ANKLE2: variants seen among roughly 807,000 people sequenced by gnomAD.
The protein encoded by ANKLE2 is ankyrin repeat and LEM domain-containing protein 2.
A neutral mutation model predicts 84.2 loss-of-function variants in ANKLE2; 55 were observed. The observed-to-expected ratio is 0.65, with a 90% CI of 0.53 to 0.82. The LOEUF (loss-of-function observed/expected upper bound fraction) is 0.82. Ranked by LOEUF, ANKLE2 falls within the 40% of genes least tolerant of loss-of-function variation. The pLI is 0.00. For missense variants in ANKLE2, 1,238 were observed against 1,201.9 expected, an observed-to-expected ratio of 1.03 and a Z score of -0.44; for synonymous variants, 551 against 486.1, an observed-to-expected ratio of 1.13 and a Z score of -1.76.
At chr12:132,728,227 C>T in intron 11 of ANKLE2, 64 bp from the exon 12 acceptor site, 2 of 1,580,066 alleles carry the variant, frequency 1.3e-6, no homozygotes, top group South Asian at 1.1e-5. Flanking sequence ...TCTAAAATAC[C>T]ACTACTTTTT....
rs1027475636 is a variant in ANKLE2 at position 132,761,608 on chromosome 12, T to C, written c.181+10A>G. The C allele has an allele frequency of 1.6e-6, 2 of 1,233,658 alleles. No homozygotes were observed. Among genetic ancestry groups the C allele is most frequent in the Non-Finnish European group, 2.0e-6 (2 of 987,390 alleles). The allele number at this position is 1,233,658 out of a possible 1,614,324, so 76.4% of individuals were successfully genotyped here. A position where few individuals can be genotyped will look rare whatever the true frequency, so the allele number is the denominator to read the frequency against. The stretch of plus-strand genomic sequence containing the variant: ...AGGGTGCGGGGACCCAGCGACCGCC[T>C]GGGCCTTACCTGAGGCGGGGGCGGC... On this transcript the variant is annotated intron_variant, in intron 1 of 12. Transcript: ENST00000357997.
chr12:132,759,521 GTATACT>G (rs66834251), intron 1 of ANKLE2: 37,396 of 139,730 alleles, frequency 0.27, 5,253 homozygotes, highest in Admixed American at 0.39. Flanking sequence ...CTATATATAT[GTATACT>G]ATATGTGCTA....
Position 132,750,716 on chromosome 12 carries a change from A to T in ANKLE2, c.774T>A (p.Pro258=). 6.2e-6 allele frequency: 10 copies of T among 1,614,254 alleles called. No individual in the cohort carries two copies. The highest frequency in any genetic ancestry group is 8.5e-6 in the Non-Finnish European group (10 of 1,180,050). The change falls in exon 3 of 13, where the codon CCT becomes CCA. Residue 258 remains proline (P), a synonymous_variant. Coordinates refer to ENST00000357997, the MANE Select transcript of ANKLE2 (RefSeq NM_015114.3). The part of the protein sequence containing the change: ...KFARGICDYF[P]SPSKTSLPLS... ...GTGGTAAGGACGTTTTGCTTGGAGA[A>T]GGGAAATAATCACAAATTCCTCTAG...
intron 1 of ANKLE2, chr12:132,757,576 A>G (rs1171062294): frequency 1.3e-5 from 2 of 152,270 alleles, no homozygotes; most frequent in East Asian, 3.8e-4. Context: ...TAATCCCAGC[A>G]CTTTGGGAGG....
At chr12:132,736,613 C>G (rs891879833) in intron 8 of ANKLE2, among the ~76,000 whole-genome samples, 1 of 152,218 alleles carries the variant, frequency 6.6e-6, no homozygotes, top group Non-Finnish European at 1.5e-5. Context: ...CAGGGCGACA[C>G]GCGCACAGGA....
chr12:132,740,855 G>A (rs569878245), intron 7 of ANKLE2, among the ~76,000 whole-genome samples: 10 of 152,026 alleles, frequency 6.6e-5, no homozygotes, highest in African/African-American at 1.9e-4. Context: ...GGAACGTCCC[G>A]GAGGCGAGTG....
At chr12:132,733,088 G>A (rs188197863) in intron 10 of ANKLE2, among the ~76,000 whole-genome samples, 3 of 138,170 alleles carry the variant, frequency 2.2e-5, no homozygotes, top group Non-Finnish European at 4.6e-5. Context: ...GATACGCACC[G>A]TGTGAAGCTC....
At position 132,730,007 on chromosome 12, in the gene ANKLE2, G is replaced by C. The variant is rs201453405; in HGVS notation, c.2155C>G (p.Pro719Ala). The C allele has an allele frequency of 4.5e-5, 73 of 1,613,168 alleles. No individual in the cohort carries two copies. Among genetic ancestry groups the C allele is most frequent in the Non-Finnish European group, 3.4e-5 (40 of 1,179,926 alleles). The change falls in exon 11 of 13, where the codon CCC becomes GCC. Residue 719 changes from proline (P) to alanine (A), a missense_variant. Pro to Ala is a conservative substitution (Grantham distance 27). Transcript: ENST00000357997. ...GGCAGATGGGCTTCCTCCCCACGGGGGGCCTTTGGTCTCTTGCCCGCCAGG... is the reference window on the plus strand; with the variant it reads ...GGCAGATGGGCTTCCTCCCCACGGGCGGCCTTTGGTCTCTTGCCCGCCAGG... ...RTLAGKRPKAPRGEEAHLPPV... is the reference protein window; with the variant it reads ...RTLAGKRPKAARGEEAHLPPV...
chr12:132,751,621 C>T (rs887595089), intron 2 of ANKLE2, among the ~76,000 whole-genome samples: 28 of 151,792 alleles, frequency 1.8e-4, no homozygotes, highest in Non-Finnish European at 5.9e-5. Flanking sequence ...TGGCTCACTG[C>T]GACCATCATC....
intron 1 of ANKLE2, chr12:132,760,763 C>G (rs1459692123): frequency 6.6e-6 from 1 of 152,216 alleles, no homozygotes; most frequent in African/African-American, 2.4e-5. Flanking sequence ...TGGGTTTTTA[C>G]AGGAACTTCA....
At position 132,741,414 on chromosome 12, in the gene ANKLE2, C is replaced by T; in HGVS notation, c.1420+5G>A. ...CACGATCCAGGCACCAACTCCCCAT[C>T]TTACCCTTTAAATACTCTCTGATCC... is the stretch of plus-strand genomic sequence containing the variant. On this transcript the variant is annotated splice_donor_5th_base_variant and intron_variant, in intron 7 of 12. Coordinates refer to ENST00000357997, the MANE Select transcript of ANKLE2 (RefSeq NM_015114.3). 3 of 1,613,994 alleles carry T rather than the reference C, an allele frequency of 1.9e-6. No individual in the cohort carries two copies. Among genetic ancestry groups the T allele is most frequent in the Non-Finnish European group, 2.5e-6 (3 of 1,180,006 alleles).
rs2043700658 is a variant in ANKLE2, at chr12:132,726,476, C to T, written c.*766G>A. On this transcript the variant is annotated 3_prime_UTR_variant, in exon 13 of 13. Coordinates refer to ENST00000357997, the MANE Select transcript of ANKLE2 (RefSeq NM_015114.3). ...GACTGTATTACTGCTGCACTGGCTC[C>T]TGAATGAAGCAGGCGGTGAAGGCTC... 1 of 152,212 alleles carries T rather than the reference C, an allele frequency of 6.6e-6. No individual in the cohort carries two copies. The highest frequency in any genetic ancestry group is 6.5e-5 in the Admixed American group (1 of 15,268). The allele number at this position is 152,212 out of a possible 1,614,324, so 9.4% of individuals were successfully genotyped here. A position where few individuals can be genotyped will look rare whatever the true frequency, so the allele number is the denominator to read the frequency against.
At position 132,730,047 on chromosome 12, in the gene ANKLE2, C is replaced by A; in HGVS notation, c.2115G>T (p.Leu705=). 1 of 1,612,902 alleles carries A rather than the reference C, an allele frequency of 6.2e-7. No homozygotes were observed. Among genetic ancestry groups the A allele is most frequent in the Non-Finnish European group, 8.5e-7 (1 of 1,179,734 alleles). Residue 705 remains leucine, a synonymous_variant, in exon 11 of 13, where the codon CTG becomes CTT. Transcript: ENST00000357997. ...HSSRNGLCHP[L]NHSRTLAGKR... Reference sequence around the variant, plus strand: ...TGCCCGCCAGGGTCCTGCTGTGATTCAGAGGATGGCAGAGCCCATTTCTGC... The same window carrying A: ...TGCCCGCCAGGGTCCTGCTGTGATTAAGAGGATGGCAGAGCCCATTTCTGC...
chr12:132,754,444 T>C lies in ANKLE2; in HGVS notation c.640+231A>G, dbSNP rs79053024. ...TTAATATTAATATCTCAGTCCAGCA[T>C]ATCTCATAGAATCCAATTTACCTCA... On this transcript the variant is annotated intron_variant, in intron 2 of 12. Coordinates refer to ENST00000357997, the MANE Select transcript of ANKLE2 (RefSeq NM_015114.3). Among the ~76,000 whole-genome samples the C allele has an allele frequency of 3.4e-3, 521 of 152,310 alleles. 3 individuals are homozygous for C. Among genetic ancestry groups the C allele is most frequent in the African/African-American group, 0.011 (437 of 41,556 alleles).
chr12:132,754,552 T>C, intron 2 of ANKLE2, 123 bp downstream of exon 2: 1 of 873,392 alleles, frequency 1.1e-6, no homozygotes, highest in Non-Finnish European at 1.7e-6. Flanking sequence ...TTAACTGGGG[T>C]GATGAGATGG....
rs77542033 is a variant in ANKLE2 at position 132,734,390 on chromosome 12, G to T, written c.1886C>A (p.Thr629Lys). ...CCACGCCTGCACATGCTTACCAGAC[G>T]TGGTGGCTTTATCTCGGCAGGAGGC... is the stretch of plus-strand genomic sequence containing the variant. ...REASCRDKAT[T>K]SGSNSISVRA... is the part of the protein sequence containing the mutation. Residue 629 changes from threonine to lysine, a missense_variant, in exon 10 of 13, where the codon ACG (threonine) becomes AAG (lysine). Physicochemically the swap from Thr to Lys is moderately conservative, Grantham distance 78 (BLOSUM62 -1). This residue lies in a region of ANKLE2 where 802 missense variants were observed against 774.5 expected (regional missense o/e 1.04). Transcript: ENST00000357997. 6.2e-7 allele frequency: 1 copy of T among 1,614,026 alleles called. No individual in the cohort carries two copies. Among genetic ancestry groups the T allele is most frequent in the Admixed American group, 1.7e-5 (1 of 59,966 alleles).
rs2044631231 is a variant in ANKLE2 at position 132,761,738 on chromosome 12, C to A, written c.61G>T (p.Ala21Ser). 4 of 1,307,270 alleles carry A rather than the reference C, an allele frequency of 3.1e-6. No individual in the cohort carries two copies. Among genetic ancestry groups the A allele is most frequent in the Non-Finnish European group, 3.9e-6 (4 of 1,020,622 alleles). The allele number at this position is 1,307,270 out of a possible 1,614,324, so 81.0% of individuals were successfully genotyped here. A position where few individuals can be genotyped will look rare whatever the true frequency, so the allele number is the denominator to read the frequency against. ...WAALAWELLG[A>S]SVLLIAVRWL... ...CGCACAGCGATCAGCAGCACCGAGG[C>A]GCCCAGCAGCTCCCAGGCCAGCGCC... Residue 21 changes from alanine to serine, a missense_variant, in exon 1 of 13, where the codon GCC (alanine) becomes TCC (serine). Around this residue, in one of 3 missense-constraint regions of ANKLE2, gnomAD observed 422 missense variants for 394.5 expected, o/e 1.07. Transcript: ENST00000357997.
intron 2 of ANKLE2, among the ~76,000 whole-genome samples, chr12:132,754,165 TGG>T (rs1475163681): frequency 6.6e-6 from 1 of 152,028 alleles, no homozygotes; most frequent in Non-Finnish European, 1.5e-5. Flanking sequence ...TCGCTTAAAC[TGG>T]GAGGGGAGAG....
chr12:132,751,699 T>A (rs182139012), intron 2 of ANKLE2, among the ~76,000 whole-genome samples: 1 of 150,876 alleles, frequency 6.6e-6, no homozygotes, highest in Admixed American at 6.6e-5. Flanking sequence ...CCGGCCACCA[T>A]GCCTGGCTAA....
Sources: allele counts gnomAD v4.1 joint callset (sites outside exome capture counted in the v4.1 genomes callset), GRCh38; gene constraint gnomAD v4.1.1; regional missense constraint gnomAD v4.1.1; transcripts MANE v1.5; gene names NCBI Gene and HGNC (gene_info 2026-07-23, HGNC 2026-07-21).